SGCD: variants seen among roughly 807,000 people sequenced by gnomAD.
SGCD encodes the protein sarcoglycan delta.
A neutral mutation model predicts 36.6 loss-of-function variants in SGCD; 18 were observed. The observed-to-expected ratio is 0.49, with a 90% confidence interval of 0.34 to 0.73. The LOEUF is 0.73. Among genes scored for constraint, SGCD ranks in the 30% least tolerant of loss-of-function variants. SGCD has a pLI of 0.01. For synonymous variants in SGCD, 133 were observed against 130.6 expected (o/e 1.02, Z -0.12); for missense variants, 387 against 346.7 (o/e 1.12, Z -0.92).
chr5:156,287,540 C>T (rs868404694), intron 3 of SGCD, among the ~76,000 whole-genome samples: 22 of 151,744 alleles, frequency 1.4e-4, no homozygotes, highest in African/African-American at 5.1e-4. Context: ...TCAGAGTGAC[C>T]GAGGTTTGAT....
At chr5:156,114,092 T>C (rs1455119113) in intron 1 of SGCD, among the ~76,000 whole-genome samples, 2 of 152,114 alleles carry the variant, frequency 1.3e-5, no homozygotes, top group Non-Finnish European at 2.9e-5. Flanking sequence ...ATAATACATT[T>C]GTCAAAACCC....
At chr5:156,098,896 C>T (rs1761447887) in intron 1 of SGCD, among the ~76,000 whole-genome samples, 1 of 152,218 alleles carries the variant, frequency 6.6e-6, no homozygotes, top group Admixed American at 6.5e-5. Flanking sequence ...GAAAGAGATG[C>T]CTCAAGTTCA....
intron 4 of SGCD, among the ~76,000 whole-genome samples, chr5:156,518,187 A>C (rs1333882216): frequency 1.3e-5 from 2 of 152,226 alleles, no homozygotes; most frequent in Admixed American, 6.5e-5. Context: ...CAGGAGTCAC[A>C]ATCCTAGTTT....
chr5:156,138,841 A>G (rs982351454), intron 3 of SGCD, among the ~76,000 whole-genome samples: 38 of 152,218 alleles, frequency 2.5e-4, no homozygotes, highest in Admixed American at 1.8e-3. Context: ...TTTCTTGTCA[A>G]TACTTGGTAT....
the SGCD span, among the ~76,000 whole-genome samples, chr5:155,761,989 A>G: frequency 6.6e-6 from 1 of 152,222 alleles, no homozygotes. Flanking sequence ...CTGTAAGGTA[A>G]GTATTGTTAT....
chr5:156,129,466 G>T (rs1561531560), intron 3 of SGCD, among the ~76,000 whole-genome samples: 2 of 152,164 alleles, frequency 1.3e-5, no homozygotes, highest in Non-Finnish European at 2.9e-5. Context: ...TGGCATAAGT[G>T]CCTATGACCC....
At position 155,992,611 on chromosome 5, in the gene SGCD, C is replaced by T. The variant is rs181270992; in HGVS notation, c.-282+122187C>T. 2.0e-5 allele frequency among the ~76,000 whole-genome samples: 3 copies of T among 152,316 alleles called. 1 individual carries two copies. The highest frequency in any genetic ancestry group is 2.0e-4 in the Admixed American group (3 of 15,298). On this transcript the variant is annotated intron_variant, in intron 1 of 9. Transcript: ENST00000517913. Reference sequence around the variant, plus strand: ...AACTGGAGCTGATTGGAATTATCATCACTAAAGCCAAAAGCATTATGTGAG... The same window carrying T: ...AACTGGAGCTGATTGGAATTATCATTACTAAAGCCAAAAGCATTATGTGAG...
At position 156,015,373 on chromosome 5, in the gene SGCD, T is replaced by C. The variant is rs139336897; in HGVS notation, c.-281-102505T>C. ...TTGAAGGTGATTCTTCTGTCCTTTT[T>C]ATACATCTTCATTATCTTTTGAGCA... On this transcript the variant is annotated intron_variant, in intron 1 of 9. Coordinates refer to the SGCD transcript ENST00000517913. 1.2e-4 allele frequency among the ~76,000 whole-genome samples: 18 copies of C among 152,324 alleles called. No individual in the cohort carries two copies. The South Asian group carries it at 1.2e-3, about 11-fold the overall frequency.
At chr5:156,635,056 C>G (rs1029112154) in intron 6 of SGCD, among the ~76,000 whole-genome samples, 1 of 151,804 alleles carries the variant, frequency 6.6e-6, no homozygotes, top group Non-Finnish European at 1.5e-5. Context: ...AACCCTCTCT[C>G]TACAAAAAAA....
the SGCD span, among the ~76,000 whole-genome samples, chr5:155,844,559 A>G: frequency 1.3e-5 from 2 of 152,156 alleles, no homozygotes; most frequent in Non-Finnish European, 2.9e-5. Flanking sequence ...GATGGAAAGA[A>G]AGGAAAGATT....
chr5:155,807,320 G>GAGGAA, the SGCD span, among the ~76,000 whole-genome samples: 1 of 152,196 alleles, frequency 6.6e-6, no homozygotes, highest in South Asian at 2.1e-4. Context: ...CCTTTCCTTT[G>GAGGAA]GTTGGTTTTT....
chr5:156,176,530 C>A (rs978142484), intron 3 of SGCD, among the ~76,000 whole-genome samples: 1 of 151,914 alleles, frequency 6.6e-6, no homozygotes, highest in Non-Finnish European at 1.5e-5. Context: ...GTTTCAGTAT[C>A]TTAGGTGTTT....
In SGCD at chr5:156,759,562, A is replaced by T. The variant is rs1245071272; in HGVS notation, c.*172A>T. ...CGCGTGTGTGGGTGGATATAAATAT[A>T]TATAAATATATATAAATAAATATAT... On this transcript the variant is annotated 3_prime_UTR_variant, in exon 9 of 9. Transcript: ENST00000337851. 1.6e-5 allele frequency: 3 copies of T among 182,650 alleles called. No homozygotes were observed. Among genetic ancestry groups the T allele is most frequent in the African/African-American group, 2.4e-5 (1 of 41,968 alleles). 11.3% of individuals were successfully genotyped at this position (182,650 alleles called of 1,614,324 possible). A position where few individuals can be genotyped will look rare whatever the true frequency, so the allele number is the denominator to read the frequency against.
chr5:156,735,299 G>A (rs147070569), intron 7 of SGCD, among the ~76,000 whole-genome samples: 5 of 152,202 alleles, frequency 3.3e-5, no homozygotes, highest in Non-Finnish European at 5.9e-5. Context: ...ACTTTCACCC[G>A]CAGTCAGCTT....
chr5:156,738,530 T>C (rs1448023219), intron 7 of SGCD: 1 of 152,368 alleles, frequency 6.6e-6, no homozygotes, highest in East Asian at 1.9e-4. Context: ...TCTCTCATAG[T>C]TGTTAAAGTT....
chr5:156,260,096 C>T (rs34501775), intron 3 of SGCD, among the ~76,000 whole-genome samples: 48,118 of 151,970 alleles, frequency 0.32, 8,370 homozygotes, highest in African/African-American at 0.45. Flanking sequence ...GTTACCTGTA[C>T]TCTCCATGTT....
At position 156,051,529 on chromosome 5, in the gene SGCD, C is replaced by G. The variant is rs1053096411; in HGVS notation, c.-281-66349C>G. ...TTCCAAATCTTTATGCAAGATAGTACAACAAATACTATAATATATTTATTC... is the reference window on the plus strand; with the variant it reads ...TTCCAAATCTTTATGCAAGATAGTAGAACAAATACTATAATATATTTATTC... On this transcript the variant is annotated intron_variant, in intron 1 of 9. Coordinates refer to the SGCD transcript ENST00000517913. Among the ~76,000 whole-genome samples, 2 of 146,096 alleles carry G rather than the reference C, an allele frequency of 1.4e-5. 1 individual carries two copies. The highest frequency in any genetic ancestry group is 3.1e-5 in the Non-Finnish European group (2 of 64,954).
Position 155,930,276 on chromosome 5 carries a change from T to A in SGCD, c.-282+59852T>A, listed in dbSNP as rs1212171800. Among the ~76,000 whole-genome samples the A allele has an allele frequency of 6.6e-5, 10 of 152,172 alleles. 2 individuals carry two copies. The stretch of plus-strand genomic sequence containing the variant: ...TTGCCCAAGAAAAATGATGACAAAT[T>A]ATTCTTAGTCAGTGGGGTGTGCTTA... On this transcript the variant is annotated intron_variant, in intron 1 of 9. Coordinates refer to the SGCD transcript ENST00000517913.
intron 1 of SGCD, among the ~76,000 whole-genome samples, chr5:155,937,265 C>T (rs903969782): frequency 1.3e-5 from 2 of 152,222 alleles, no homozygotes; most frequent in African/African-American, 4.8e-5. Flanking sequence ...CAAGCCATGC[C>T]TCCCCCACTG....
Sources: gnomAD v4.1 joint callset for allele counts (sites outside exome capture counted in the v4.1 genomes callset) on GRCh38, gnomAD v4.1.1 for gene constraint, MANE v1.5 for transcripts, NCBI Gene and HGNC (gene_info 2026-07-23, HGNC 2026-07-21) for gene names.